CYP20A1: variants seen among roughly 807,000 people sequenced by gnomAD.
CYP20A1 encodes cytochrome P450 20A1.
CYP20A1 carries 61 observed loss-of-function variants against 61.4 expected under a neutral mutation model. The ratio of observed to expected loss-of-function variants is 0.99; its 90% CI spans 0.81 to 1.23. CYP20A1 has a LOEUF of 1.23. CYP20A1 is among the 50% of genes most tolerant of loss of function. CYP20A1 has a pLI of 0.00. For synonymous variants in CYP20A1, 193 were observed against 188.2 expected, an observed-to-expected ratio of 1.03 and a Z score of -0.21; for missense variants, 530 against 542.4, an observed-to-expected ratio of 0.98 and a Z score of 0.23.
intron 9 of CYP20A1, among the ~76,000 whole-genome samples, chr2:203,286,759 A>G (rs1261903425): frequency 6.6e-6 from 1 of 152,212 alleles, no homozygotes; most frequent in Non-Finnish European, 1.5e-5. Context: ...AATTGTATAC[A>G]ATTACTAAAA....
At chr2:203,250,580 A>C (rs1396028764) in intron 3 of CYP20A1, among the ~76,000 whole-genome samples, 1 of 152,200 alleles carries the variant, frequency 6.6e-6, no homozygotes, top group African/African-American at 2.4e-5. Context: ...TGGCTCTGTC[A>C]GGGAATATAA....
chr2:203,295,844 G>A (rs901433879), intron 11 of CYP20A1, among the ~76,000 whole-genome samples: 1 of 152,102 alleles, frequency 6.6e-6, no homozygotes, highest in Admixed American at 6.6e-5. Context: ...AGCTACTTGG[G>A]AGGCTGAGAC....
chr2:203,265,173 G>A (rs10211196), intron 4 of CYP20A1, among the ~76,000 whole-genome samples: 61,640 of 152,020 alleles, frequency 0.41, 12,902 homozygotes, highest in East Asian at 0.63. Context: ...TTAGGCCTGT[G>A]ATTATTTATT....
intron 1 of CYP20A1, among the ~76,000 whole-genome samples, chr2:203,243,887 C>T (rs749908648): frequency 9.2e-5 from 14 of 151,438 alleles, no homozygotes; most frequent in Non-Finnish European, 2.1e-4. Context: ...ACGGGGTTTC[C>T]CCGTGTTGCA....
intron 6 of CYP20A1, among the ~76,000 whole-genome samples, chr2:203,274,876 A>C (rs1352480550): frequency 6.6e-6 from 1 of 152,260 alleles, no homozygotes; most frequent in Non-Finnish European, 1.5e-5. Flanking sequence ...GGTTAAATTA[A>C]CATGAAATGA....
chr2:203,266,529 T>C lies in CYP20A1; in HGVS notation c.448T>C (p.Leu150=), dbSNP rs140983832. The change falls in exon 5 of 13, where the codon TTA becomes CTA. Residue 150 remains leucine, a synonymous_variant. Transcript: ENST00000356079. ...ALLLKLSEEL[L]DKWLSYPETQ... is the part of the protein sequence containing the mutation. ...TCTCTTTCAGCTTTCAGAAGAATTA[T>C]TAGATAAATGGCTCTCCTACCCAGA... The C allele has an allele frequency of 3.2e-4, 514 of 1,613,912 alleles. 2 individuals are homozygous for C. The African/African-American group carries it at 5.5e-3, about 17-fold the overall frequency.
rs1189203620 is a variant in CYP20A1 at position 203,274,304 on chromosome 2, G to A, written c.679+1556G>A. ...GGATTCAAGCGATTCTTCTGCCTCA[G>A]CCTCCTGAGTAGCTGGGATTACAAG... On this transcript the variant is annotated intron_variant, in intron 6 of 12. Transcript: ENST00000356079. 2.0e-5 allele frequency among the ~76,000 whole-genome samples: 3 copies of A among 151,512 alleles called. No homozygotes were observed. In the East Asian group the frequency reaches 5.8e-4, roughly 29 times the overall value.
intron 8 of CYP20A1, among the ~76,000 whole-genome samples, chr2:203,283,289 T>C (rs1378545507): frequency 7.2e-6 from 1 of 138,568 alleles, no homozygotes; most frequent in Non-Finnish European, 1.5e-5. Context: ...CAATCTCGGC[T>C]CACTGCAACC....
chr2:203,239,074 C>G lies in CYP20A1; in HGVS notation c.12C>G (p.Phe4Leu), dbSNP rs375390790. The G allele has an allele frequency of 1.0e-4, 165 of 1,613,660 alleles. 1 individual carries two copies. The African/African-American group carries it at 2.0e-3, about 20-fold the overall frequency. MLD[F>L]AIFAVTFLLA... ...TGGGCGGCAGAACCATGTTGGACTT[C>G]GCGATCTTCGCCGTTACCTTCTTGC... Residue 4 changes from phenylalanine (F) to leucine (L), a missense_variant, in exon 1 of 13, where the codon TTC (phenylalanine) becomes TTG (leucine). Transcript: ENST00000356079.
chr2:203,243,386 C>T (rs1275026543), intron 1 of CYP20A1, among the ~76,000 whole-genome samples: 1 of 22,266 alleles, frequency 4.5e-5, no homozygotes, highest in Non-Finnish European at 2.0e-4. Context: ...TCGTGATCCA[C>T]TCTCGCCTCT....
intron 4 of CYP20A1, among the ~76,000 whole-genome samples, chr2:203,263,058 G>A (rs933534354): frequency 5.9e-5 from 9 of 151,692 alleles, no homozygotes; most frequent in Non-Finnish European, 1.0e-4. Flanking sequence ...GCAGTGGCGC[G>A]GCTCACTGCA....
At chr2:203,277,178 C>T (rs1379916796) in intron 6 of CYP20A1, among the ~76,000 whole-genome samples, 3 of 151,744 alleles carry the variant, frequency 2.0e-5, no homozygotes, top group Non-Finnish European at 4.4e-5. Context: ...GAAACCCCGT[C>T]TCTACTAAAA....
At chr2:203,274,343 G>A (rs1395109760) in intron 6 of CYP20A1, among the ~76,000 whole-genome samples, 2 of 151,854 alleles carry the variant, frequency 1.3e-5, no homozygotes, top group African/African-American at 4.8e-5. Flanking sequence ...CTGCCACCAT[G>A]CCCGGCTCAT....
At chr2:203,271,082 A>ATATAT (rs1178482961) in intron 5 of CYP20A1, among the ~76,000 whole-genome samples, 6 of 31,632 alleles carry the variant, frequency 1.9e-4, no homozygotes, top group Admixed American at 6.5e-4. Flanking sequence ...ATATATATAT[A>ATATAT]TTTTTTTTTT....
rs1248026682 is a variant in CYP20A1 at position 203,298,764 on chromosome 2, G to C, written c.*1856G>C. Among the ~76,000 whole-genome samples, 19 of 151,882 alleles carry C rather than the reference G, an allele frequency of 1.3e-4. No individual in the cohort carries two copies. Among genetic ancestry groups the C allele is most frequent in the Admixed American group, 1.2e-3 (19 of 15,210 alleles). ...GAATATTTTAAGTAGGCTGGGCACG[G>C]TAGCTCATGCCTGTTATCCTAACAC... On this transcript the variant is annotated 3_prime_UTR_variant, in exon 13 of 13. Coordinates refer to ENST00000356079, the MANE Select transcript of CYP20A1 (RefSeq NM_177538.3).
intron 5 of CYP20A1, among the ~76,000 whole-genome samples, chr2:203,268,216 G>A (rs1357559312): frequency 2.0e-5 from 3 of 152,090 alleles, no homozygotes; most frequent in Non-Finnish European, 2.9e-5. Flanking sequence ...TTTCCTACGA[G>A]CAAGGATATT....
rs1367928624 is a variant in CYP20A1, at chr2:203,300,194, G to A, written c.*3286G>A. On this transcript the variant is annotated 3_prime_UTR_variant, in exon 13 of 13. Transcript: ENST00000356079. ...CAGTGTAGAATAACTAATAATGATT[G>A]GAATCAAGGAAAAGAGAGCATAGAG... 1.3e-5 allele frequency among the ~76,000 whole-genome samples: 2 copies of A among 152,122 alleles called. No individual in the cohort carries two copies. Among genetic ancestry groups the A allele is most frequent in the Admixed American group, 1.3e-4 (2 of 15,248 alleles).
rs1005515140 is a variant in CYP20A1 at position 203,301,888 on chromosome 2, A to G, written c.*4980A>G. Among the ~76,000 whole-genome samples, 1 of 141,526 alleles carries G rather than the reference A, an allele frequency of 7.1e-6. No homozygotes were observed. Among genetic ancestry groups the G allele is most frequent in the African/African-American group, 2.6e-5 (1 of 38,374 alleles). The allele number at this position is 141,526 out of a possible 152,430, so 92.8% of individuals were successfully genotyped here. On this transcript the variant is annotated 3_prime_UTR_variant, in exon 13 of 13. Coordinates refer to ENST00000356079, the MANE Select transcript of CYP20A1 (RefSeq NM_177538.3). ...CTCAGTTAACAGTCATAGTTTCACTATTTGAAGTTAACCACTGTTAAGATT... is the reference window on the plus strand; with the variant it reads ...CTCAGTTAACAGTCATAGTTTCACTGTTTGAAGTTAACCACTGTTAAGATT...
At chr2:203,281,742 A>C (rs1432163092) in intron 8 of CYP20A1, among the ~76,000 whole-genome samples, 2 of 152,064 alleles carry the variant, frequency 1.3e-5, no homozygotes, top group Non-Finnish European at 2.9e-5. Flanking sequence ...CAGAGGTTAC[A>C]GTGAGCTGAG....
Sources: gnomAD v4.1 joint callset for allele counts (sites outside exome capture counted in the v4.1 genomes callset) on GRCh38, gnomAD v4.1.1 for gene constraint, MANE v1.5 for transcripts, NCBI Gene and HGNC (gene_info 2026-07-23, HGNC 2026-07-21) for gene names.